The following OR2L13 variants were observed in gnomAD, a reference collection of about 807,000 sequenced individuals.
OR2L13 encodes olfactory receptor family 2 subfamily L member 13, also known as olfactory receptor 2L13.
In OR2L13, 14 loss-of-function variants were observed where a neutral mutation model predicts 15.3. That is an observed-to-expected ratio of 0.91 (90% CI 0.60 to 1.43). The LOEUF is 1.43. OR2L13 is among the 40% of genes most tolerant of loss of function. The pLI is 0.00. For synonymous variants in OR2L13, 152 were observed against 142.9 expected (o/e 1.06, Z -0.45); for missense variants, 367 against 387.9 (o/e 0.95, Z 0.45).
chr1:247,952,903 G>C, the OR2L13 span, among the ~76,000 whole-genome samples: 3 of 152,014 alleles, frequency 2.0e-5, no homozygotes, highest in Admixed American at 6.6e-5. Context: ...AAACAATATG[G>C]GTGCCTTGTA....
chr1:248,067,156 A>G, the OR2L13 span, among the ~76,000 whole-genome samples: 1 of 152,216 alleles, frequency 6.6e-6, no homozygotes, highest in Admixed American at 6.5e-5. Context: ...GTTTATCCCT[A>G]TTTGCACTAG....
chr1:248,059,716 A>T, the OR2L13 span, among the ~76,000 whole-genome samples: 1 of 152,208 alleles, frequency 6.6e-6, no homozygotes, highest in South Asian at 2.1e-4. Context: ...TCAAAATAGC[A>T]GAGAGGCTGC....
chr1:248,071,447 C>T, the OR2L13 span, among the ~76,000 whole-genome samples: 1 of 152,052 alleles, frequency 6.6e-6, no homozygotes, highest in East Asian at 1.9e-4. Flanking sequence ...TAAAAACTCT[C>T]AATAAATTAG....
At chr1:248,038,062 TG>T in the OR2L13 span, 1 of 456,522 alleles carries the variant, frequency 2.2e-6, no homozygotes. Context: ...TAGTTATTTT[TG>T]TTAATCTCTT....
chr1:247,940,866 C>G, the OR2L13 span, among the ~76,000 whole-genome samples: 2 of 152,134 alleles, frequency 1.3e-5, no homozygotes, highest in African/African-American at 2.4e-5. Flanking sequence ...TTCCCACCAA[C>G]AGCATATAAG....
At chr1:248,073,012 T>C in the OR2L13 span, among the ~76,000 whole-genome samples, 1 of 151,944 alleles carries the variant, frequency 6.6e-6, no homozygotes, top group Non-Finnish European at 1.5e-5. Context: ...ATAGGAACAC[T>C]TTTACACTGT....
At chr1:248,085,452 TGTGTGC>T in the OR2L13 span, among the ~76,000 whole-genome samples, 3 of 6,070 alleles carry the variant, frequency 4.9e-4, no homozygotes, top group South Asian at 0.015. Flanking sequence ...AATAAAAAAA[TGTGTGC>T]AGAGAAGCAC....
At chr1:248,079,462 T>G in the OR2L13 span, among the ~76,000 whole-genome samples, 73 of 152,226 alleles carry the variant, frequency 4.8e-4, 1 homozygote, top group African/African-American at 1.6e-3. Context: ...CTAAAATTTC[T>G]ACAGGAATGA....
the OR2L13 span, chr1:248,029,163 C>T: frequency 6.6e-6 from 1 of 152,172 alleles, no homozygotes; most frequent in African/African-American, 2.4e-5. Context: ...TTGATCACAA[C>T]CAGTTAGAGG....
At chr1:248,042,340 C>G in the OR2L13 span, 1 of 120,288 alleles carries the variant, frequency 8.3e-6, no homozygotes, top group Non-Finnish European at 1.6e-5. Flanking sequence ...GAACATCACA[C>G]TCTGGGGACT....
At chr1:248,017,389 T>C in the OR2L13 span, among the ~76,000 whole-genome samples, 748 of 152,290 alleles carry the variant, frequency 4.9e-3, 7 homozygotes, top group African/African-American at 0.016. Context: ...ATGGTAGAAT[T>C]AGAACCCTGA....
chr1:247,945,022 TC>T, the OR2L13 span, among the ~76,000 whole-genome samples: 3 of 152,276 alleles, frequency 2.0e-5, no homozygotes, highest in Non-Finnish European at 1.5e-5. Flanking sequence ...TTCTCTCTGA[TC>T]TTGGTTATTT....
At chr1:247,978,887 A>G in the OR2L13 span, among the ~76,000 whole-genome samples, 1 of 151,784 alleles carries the variant, frequency 6.6e-6, no homozygotes, top group African/African-American at 2.4e-5. Context: ...GGTCCCCTGA[A>G]GATGATTCTG....
the OR2L13 span, among the ~76,000 whole-genome samples, chr1:248,088,440 T>A: frequency 6.6e-6 from 1 of 152,222 alleles, no homozygotes; most frequent in Non-Finnish European, 1.5e-5. Context: ...TTCATGTTCC[T>A]TTCCTATAAA....
At chr1:248,074,316 C>T in the OR2L13 span, among the ~76,000 whole-genome samples, 1 of 151,424 alleles carries the variant, frequency 6.6e-6, no homozygotes, top group Non-Finnish European at 1.5e-5. Context: ...TATTGAAATG[C>T]CAAATGCTAG....
chr1:247,937,307 C>A, the OR2L13 span: 1 of 153,516 alleles, frequency 6.5e-6, no homozygotes, highest in South Asian at 1.8e-4. Context: ...GCGTGAAGAC[C>A]CTCTCGAAAG....
the OR2L13 span, chr1:248,022,576 T>C: frequency 6.2e-7 from 1 of 1,614,206 alleles, no homozygotes; most frequent in Admixed American, 1.7e-5. Flanking sequence ...GTGTTTCCCT[T>C]CACTGGCATT....
the OR2L13 span, among the ~76,000 whole-genome samples, chr1:248,036,897 T>C: frequency 5.9e-5 from 9 of 152,334 alleles, no homozygotes; most frequent in Non-Finnish European, 1.2e-4. Context: ...AATATACTTA[T>C]GATCCCTTCA....
chr1:248,052,882 AT>A, the OR2L13 span, among the ~76,000 whole-genome samples: 4 of 152,030 alleles, frequency 2.6e-5, no homozygotes, highest in Admixed American at 2.6e-4. Flanking sequence ...TATCATTTTA[AT>A]TTTGATAGAG....
Sources: allele counts gnomAD v4.1 joint callset (sites outside exome capture counted in the v4.1 genomes callset), GRCh38; gene constraint gnomAD v4.1.1; transcripts MANE v1.5; gene names NCBI Gene and HGNC (gene_info 2026-07-23, HGNC 2026-07-21).